Variants in IL1RAPL1 observed in about 807,000 individuals in gnomAD.
The protein encoded by IL1RAPL1 is interleukin-1 receptor accessory protein-like 1.
In IL1RAPL1, 3 loss-of-function variants were observed where a neutral mutation model predicts 48.4. That is an observed-to-expected ratio of 0.06 (90% CI 0.03 to 0.16). The LOEUF (loss-of-function observed/expected upper bound fraction) is 0.16. Ranked by LOEUF, IL1RAPL1 falls within the 10% of genes least tolerant of loss-of-function variation. IL1RAPL1 has a pLI of 1.00. For synonymous variants in IL1RAPL1, 185 were observed against 187.7 expected, an observed-to-expected ratio of 0.99 and a Z score of 0.12; for missense variants, 349 against 530.6, an observed-to-expected ratio of 0.66 and a Z score of 3.36.
At chrX:29,080,972 CTT>C (rs1194214966) in intron 2 of IL1RAPL1, among the ~76,000 whole-genome samples, 17 of 43,403 alleles carry the variant, frequency 3.9e-4, no homozygotes, top group African/African-American at 1.1e-3. Flanking sequence ...TTCTTTCTTT[CTT>C]TCTTTCTTTC....
intron 5 of IL1RAPL1, among the ~76,000 whole-genome samples, chrX:29,511,451 T>G (rs1301897894): frequency 1.8e-5 from 2 of 111,779 alleles, no homozygotes; most frequent in Admixed American, 1.9e-4. Flanking sequence ...GTTCACATTT[T>G]CCAATTTTCC....
intron 3 of IL1RAPL1, among the ~76,000 whole-genome samples, chrX:29,354,853 A>C (rs1933280728): frequency 8.9e-6 from 1 of 112,401 alleles, no homozygotes; most frequent in Admixed American, 9.4e-5. Context: ...ACAAATTAAC[A>C]AGAGAAAACA....
intron 5 of IL1RAPL1, among the ~76,000 whole-genome samples, chrX:29,497,375 T>C (rs1243669856): frequency 8.9e-6 from 1 of 111,792 alleles, no homozygotes; most frequent in African/African-American, 3.2e-5. Flanking sequence ...ATTTTGCTCA[T>C]TAAGAATTGC....
At chrX:28,803,432 G>A (rs1035669793) in intron 2 of IL1RAPL1, among the ~76,000 whole-genome samples, 1 of 111,657 alleles carries the variant, frequency 9.0e-6, no homozygotes, top group Admixed American at 9.6e-5. Context: ...TAGTCATCAG[G>A]CAAAGTTACC....
intron 5 of IL1RAPL1, among the ~76,000 whole-genome samples, chrX:29,555,915 G>A (rs1375671749): frequency 1.8e-5 from 2 of 112,442 alleles, no homozygotes; most frequent in Non-Finnish European, 3.8e-5. Flanking sequence ...ATGCAAACAA[G>A]TTAAGTAAGC....
intron 5 of IL1RAPL1, among the ~76,000 whole-genome samples, chrX:29,567,579 T>G (rs1922451421): frequency 8.9e-6 from 1 of 112,059 alleles, no homozygotes; most frequent in African/African-American, 3.2e-5. Flanking sequence ...GGAAAATCTT[T>G]ACATTTTGCC....
chrX:29,566,749 C>T (rs1602301095), intron 5 of IL1RAPL1, among the ~76,000 whole-genome samples: 1 of 112,089 alleles, frequency 8.9e-6, no homozygotes, highest in Non-Finnish European at 1.9e-5. Context: ...TGGAAGCTAG[C>T]AATATAGGTT....
chrX:28,723,017 A>G (rs936202268), intron 1 of IL1RAPL1, among the ~76,000 whole-genome samples: 1 of 111,239 alleles, frequency 9.0e-6, no homozygotes, highest in African/African-American at 3.3e-5. Context: ...GAGGATTTTT[A>G]CATCGATGTT....
intron 6 of IL1RAPL1, among the ~76,000 whole-genome samples, chrX:29,764,334 T>C (rs141514179): frequency 0.03 from 3,358 of 111,411 alleles, 114 homozygotes; most frequent in African/African-American, 0.1. Context: ...ATGCAGACGA[T>C]TGCTTTATCT....
chrX:29,217,333 T>A (rs2147546742), intron 2 of IL1RAPL1, among the ~76,000 whole-genome samples: 1 of 112,567 alleles, frequency 8.9e-6, no homozygotes, highest in South Asian at 3.7e-4. Flanking sequence ...TTGCAGATTC[T>A]AATTCAAAAA....
At chrX:28,758,848 T>C (rs1419725189) in intron 1 of IL1RAPL1, among the ~76,000 whole-genome samples, 2 of 112,044 alleles carry the variant, frequency 1.8e-5, no homozygotes, top group African/African-American at 6.5e-5. Context: ...CCTTCAGTCT[T>C]AGATTTCCAA....
At chrX:28,987,544 CT>C (rs900399384) in intron 2 of IL1RAPL1, among the ~76,000 whole-genome samples, 1 of 111,465 alleles carries the variant, frequency 9.0e-6, no homozygotes, top group African/African-American at 3.3e-5. Flanking sequence ...ACTTGCATTT[CT>C]TTACTTGAAC....
chrX:29,593,820 G>A (rs1250969535), intron 5 of IL1RAPL1, among the ~76,000 whole-genome samples: 2 of 111,681 alleles, frequency 1.8e-5, no homozygotes, highest in Non-Finnish European at 3.8e-5. Flanking sequence ...CAATGTATTC[G>A]CTTGCCAGAT....
At chrX:29,929,672 G>A (rs1932924024) in intron 8 of IL1RAPL1, among the ~76,000 whole-genome samples, 1 of 111,498 alleles carries the variant, frequency 9.0e-6, no homozygotes, top group African/African-American at 3.3e-5. Context: ...GACTTACAAT[G>A]GTTGCCAAAT....
chrX:29,131,363 G>T (rs900860411), intron 2 of IL1RAPL1, among the ~76,000 whole-genome samples: 1 of 109,833 alleles, frequency 9.1e-6, no homozygotes, highest in African/African-American at 3.3e-5. Context: ...TTGGAATTGT[G>T]ATTATTTCTA....
intron 3 of IL1RAPL1, among the ~76,000 whole-genome samples, chrX:29,372,773 CTTTTTTTTTTT>C (rs1160543169): frequency 3.2e-5 from 2 of 63,487 alleles, no homozygotes; most frequent in Admixed American, 1.8e-4. Context: ...GTCTATGTGT[CTTTTTTTTTTT>C]TTTTTTTTTT....
intron 3 of IL1RAPL1, among the ~76,000 whole-genome samples, chrX:29,332,418 ACAAC>A (rs1932894429): frequency 1.1e-5 from 1 of 89,813 alleles, no homozygotes; most frequent in African/African-American, 4.0e-5. Flanking sequence ...CAAAACTATA[ACAAC>A]CCTTTAGATT....
intron 2 of IL1RAPL1, among the ~76,000 whole-genome samples, chrX:29,209,927 C>T (rs954914712): frequency 9.0e-6 from 1 of 111,721 alleles, no homozygotes; most frequent in Non-Finnish European, 1.9e-5. Flanking sequence ...TATATTCTTG[C>T]CTTGTTTCTC....
chrX:29,197,778 G>A (rs568852296), intron 2 of IL1RAPL1, among the ~76,000 whole-genome samples: 1 of 102,020 alleles, frequency 9.8e-6, no homozygotes, highest in African/African-American at 3.7e-5. Context: ...GTGCAATCTC[G>A]CCTCACCGCA....
Sources: allele counts gnomAD v4.1 joint callset (sites outside exome capture counted in the v4.1 genomes callset), GRCh38; gene constraint gnomAD v4.1.1; transcripts MANE v1.5; gene names NCBI Gene and HGNC (gene_info 2026-07-23, HGNC 2026-07-21).